Variants in SLC2A13 observed in about 807,000 individuals in gnomAD.
The protein encoded by SLC2A13 is solute carrier family 2 member 13.
In SLC2A13, 32 loss-of-function variants were observed where a neutral mutation model predicts 64.4. The ratio of observed to expected loss-of-function variants is 0.50; its 90% CI spans 0.37 to 0.67. The LOEUF (loss-of-function observed/expected upper bound fraction) is 0.67, where lower values mean the gene tolerates loss of function less well. Ranked by LOEUF, SLC2A13 falls within the 30% of genes least tolerant of loss-of-function variation. SLC2A13 has a pLI of 0.00. For synonymous variants in SLC2A13, 338 were observed against 327.1 expected (o/e 1.03, Z -0.36); for missense variants, 743 against 829.2 (o/e 0.90, Z 1.28).
At chr12:39,769,424 G>A (rs1214290912) in intron 7 of SLC2A13, among the ~76,000 whole-genome samples, 1 of 151,966 alleles carries the variant, frequency 6.6e-6, no homozygotes, top group Admixed American at 6.6e-5. Context: ...TTAACAACTG[G>A]AATTCTTTTA....
intron 7 of SLC2A13, among the ~76,000 whole-genome samples, chr12:39,783,834 G>C (rs533846593): frequency 1.3e-5 from 2 of 152,062 alleles, no homozygotes; most frequent in Non-Finnish European, 2.9e-5. Context: ...CCCCATCGTC[G>C]CAGCCTAAAA....
intron 7 of SLC2A13, among the ~76,000 whole-genome samples, chr12:39,808,422 C>T (rs1427782631): frequency 1.3e-5 from 2 of 152,096 alleles, no homozygotes; most frequent in Admixed American, 6.6e-5. Context: ...TGTGTAGAAA[C>T]ATTTGTTGGA....
chr12:40,068,911 T>C (rs1937849832), intron 1 of SLC2A13, among the ~76,000 whole-genome samples: 1 of 151,972 alleles, frequency 6.6e-6, no homozygotes, highest in African/African-American at 2.4e-5. Context: ...AAGAAAGAGC[T>C]AGACAGTGCC....
chr12:39,780,369 G>A (rs1940938073), intron 7 of SLC2A13, among the ~76,000 whole-genome samples: 1 of 152,136 alleles, frequency 6.6e-6, no homozygotes, highest in African/African-American at 2.4e-5. Context: ...GAATTTGAAT[G>A]GAAAAAGAGA....
At chr12:39,841,241 C>T (rs186755124) in intron 6 of SLC2A13, among the ~76,000 whole-genome samples, 1 of 152,242 alleles carries the variant, frequency 6.6e-6, no homozygotes, top group Admixed American at 6.5e-5. Flanking sequence ...AGCAATTTAG[C>T]CTAGTAGCCA....
In SLC2A13 at chr12:40,098,857, C is replaced by T. The variant is rs1342748412; in HGVS notation, c.556+6396G>A. Among the ~76,000 whole-genome samples the T allele has an allele frequency of 4.6e-5, 7 of 152,270 alleles. No homozygotes were observed. In the East Asian group the frequency reaches 5.8e-4, roughly 13 times the overall value. On this transcript the variant is annotated intron_variant, in intron 1 of 9. Coordinates refer to ENST00000280871, the MANE Select transcript of SLC2A13 (RefSeq NM_052885.4). The stretch of plus-strand genomic sequence containing the variant: ...TAAGTACTACGTCCAGGGTGTTGGC[C>T]GCTAAGCTGATGGCCAATCCACACC...
chr12:40,081,592 G>C (rs373892081), intron 1 of SLC2A13, among the ~76,000 whole-genome samples: 7 of 152,080 alleles, frequency 4.6e-5, no homozygotes, highest in Middle Eastern at 3.4e-3. Flanking sequence ...CATTTTATTG[G>C]AATCCTTAGA....
At chr12:40,067,849 C>G (rs1478415937) in intron 1 of SLC2A13, among the ~76,000 whole-genome samples, 1 of 152,130 alleles carries the variant, frequency 6.6e-6, no homozygotes, top group East Asian at 1.9e-4. Flanking sequence ...TTTTTCTCTT[C>G]TTTCTTCTTC....
chr12:39,937,765 T>TACAAGTC (rs1173780571), intron 4 of SLC2A13, among the ~76,000 whole-genome samples: 3 of 152,174 alleles, frequency 2.0e-5, no homozygotes, highest in Admixed American at 6.5e-5. Context: ...TGATGTAAAC[T>TACAAGTC]ACAAGTCACG....
intron 3 of SLC2A13, among the ~76,000 whole-genome samples, chr12:40,002,759 G>T (rs1170869544): frequency 2.6e-5 from 4 of 152,024 alleles, no homozygotes; most frequent in Admixed American, 1.3e-4. Flanking sequence ...CATTAATATG[G>T]ATGATGGCAT....
intron 6 of SLC2A13, among the ~76,000 whole-genome samples, chr12:39,834,573 C>A (rs1237586304): frequency 6.6e-6 from 1 of 152,028 alleles, no homozygotes; most frequent in Non-Finnish European, 1.5e-5. Flanking sequence ...CCTTCTGCTA[C>A]TCCATACTGC....
chr12:39,867,349 A>C (rs1053495266), intron 5 of SLC2A13, among the ~76,000 whole-genome samples: 20 of 152,204 alleles, frequency 1.3e-4, no homozygotes, highest in African/African-American at 4.6e-4. Context: ...CCTAGCACAT[A>C]TCCAGTAAGG....
chr12:40,017,270 G>A (rs1947636272), intron 3 of SLC2A13, among the ~76,000 whole-genome samples: 2 of 152,328 alleles, frequency 1.3e-5, no homozygotes, highest in Middle Eastern at 3.4e-3. Flanking sequence ...GTTGCTAGTG[G>A]AAGCAAATCT....
At chr12:39,945,481 T>C (rs1486346826) in intron 4 of SLC2A13, among the ~76,000 whole-genome samples, 1 of 152,104 alleles carries the variant, frequency 6.6e-6, no homozygotes, top group East Asian at 1.9e-4. Flanking sequence ...TTCTCAGCTA[T>C]GCCGATTATT....
chr12:39,812,313 A>G (rs1403522814), intron 7 of SLC2A13, among the ~76,000 whole-genome samples: 2 of 145,680 alleles, frequency 1.4e-5, no homozygotes, highest in African/African-American at 5.4e-5. Context: ...ACCTCTAAAT[A>G]TCCTCACATT....
chr12:40,041,094 A>G (rs535549291), intron 2 of SLC2A13, among the ~76,000 whole-genome samples: 8 of 152,134 alleles, frequency 5.3e-5, no homozygotes, highest in Non-Finnish European at 1.0e-4. Context: ...CTGGGATTAC[A>G]GGCGCCCACC....
intron 6 of SLC2A13, among the ~76,000 whole-genome samples, chr12:39,839,190 C>T (rs1943111906): frequency 1.3e-5 from 2 of 152,070 alleles, no homozygotes; most frequent in Non-Finnish European, 2.9e-5. Context: ...GAGAACACCG[C>T]CACTACCAGT....
intron 3 of SLC2A13, among the ~76,000 whole-genome samples, chr12:39,968,204 CCTT>C (rs1946559140): frequency 6.6e-6 from 1 of 152,144 alleles, no homozygotes; most frequent in Non-Finnish European, 1.5e-5. Context: ...GCAAACATGT[CCTT>C]CTTAACATGG....
At chr12:39,831,655 T>C (rs1429276858) in intron 6 of SLC2A13, among the ~76,000 whole-genome samples, 1 of 152,080 alleles carries the variant, frequency 6.6e-6, no homozygotes, top group Non-Finnish European at 1.5e-5. Context: ...AGGTATTGAA[T>C]CATGGGGGAA....
Sources: allele counts gnomAD v4.1 joint callset (sites outside exome capture counted in the v4.1 genomes callset), GRCh38; gene constraint gnomAD v4.1.1; transcripts MANE v1.5; gene names NCBI Gene and HGNC (gene_info 2026-07-23, HGNC 2026-07-21).